The following IGF2BP3 variants were observed in gnomAD, a reference collection of about 807,000 sequenced individuals.
IGF2BP3 encodes insulin-like growth factor 2 mRNA-binding protein 3.
Under a neutral mutation model 73.8 loss-of-function variants are expected in IGF2BP3, and 9 were observed. The observed-to-expected ratio is 0.12, with a 90% CI of 0.07 to 0.21. The LOEUF (loss-of-function observed/expected upper bound fraction) is 0.21, where lower values mean the gene tolerates loss of function less well. Ranked by LOEUF, IGF2BP3 falls within the 10% of genes least tolerant of loss-of-function variation. The pLI is 1.00. For missense variants in IGF2BP3, 542 were observed against 714.0 expected (o/e 0.76, Z 2.75); for synonymous variants, 258 against 256.7 (o/e 1.01, Z -0.05).
intron 10 of IGF2BP3, among the ~76,000 whole-genome samples, chr7:23,329,541 A>C (rs964494606): frequency 2.0e-5 from 3 of 152,246 alleles, no homozygotes; most frequent in African/African-American, 7.2e-5. Flanking sequence ...CCATACAAAA[A>C]GGCCCCTGCT....
chr7:23,441,782 T>G (rs2128545287), intron 2 of IGF2BP3, among the ~76,000 whole-genome samples: 1 of 152,214 alleles, frequency 6.6e-6, no homozygotes, highest in African/African-American at 2.4e-5. Flanking sequence ...ATTATACTTG[T>G]ATCATTCACA....
At chr7:23,352,358 G>A (rs990245356) in intron 5 of IGF2BP3, among the ~76,000 whole-genome samples, 1 of 139,150 alleles carries the variant, frequency 7.2e-6, no homozygotes, top group African/African-American at 2.7e-5. Flanking sequence ...GAGCCATCTT[G>A]GCTCACTGCA....
Position 23,311,227 on chromosome 7 carries a change from C to T in IGF2BP3, c.*1135G>A, listed in dbSNP as rs1043457523. On this transcript the variant is annotated 3_prime_UTR_variant, in exon 15 of 15. Transcript: ENST00000258729. ...CTTTTGTTGCGTTTAAACACTGTCA[C>T]ACCATCTATGACTGTCCCATTGGTC... The T allele has an allele frequency of 1.2e-4, 19 of 152,322 alleles. No homozygotes were observed. Among genetic ancestry groups the T allele is most frequent in the African/African-American group, 4.3e-4 (18 of 41,436 alleles). 9.4% of individuals were successfully genotyped at this position (152,322 alleles called of 1,614,324 possible). A position where few individuals can be genotyped will look rare whatever the true frequency, so the allele number is the denominator to read the frequency against.
intron 3 of IGF2BP3, among the ~76,000 whole-genome samples, chr7:23,388,877 A>G (rs916860046): frequency 6.6e-6 from 1 of 152,120 alleles, no homozygotes; most frequent in African/African-American, 2.4e-5. Context: ...GTAGTTAAAA[A>G]CTGGAAACAG....
chr7:23,426,320 CAAAA>C (rs1195063330), intron 2 of IGF2BP3, among the ~76,000 whole-genome samples: 16 of 46,138 alleles, frequency 3.5e-4, no homozygotes, highest in African/African-American at 8.0e-4. Context: ...AATTCTGTCT[CAAAA>C]AAAAAAAAAA....
At chr7:23,387,469 T>C (rs1011329076) in intron 3 of IGF2BP3, among the ~76,000 whole-genome samples, 4 of 152,326 alleles carry the variant, frequency 2.6e-5, no homozygotes, top group South Asian at 2.1e-4. Flanking sequence ...AATATGGAAT[T>C]TGGTTTACTA....
At chr7:23,436,766 G>T (rs1787816667) in intron 2 of IGF2BP3, among the ~76,000 whole-genome samples, 1 of 152,096 alleles carries the variant, frequency 6.6e-6, no homozygotes, top group African/African-American at 2.4e-5. Context: ...TCCTTCCTTT[G>T]CCTAGGAAAG....
intron 2 of IGF2BP3, among the ~76,000 whole-genome samples, chr7:23,433,839 C>G (rs572534299): frequency 6.6e-6 from 1 of 152,084 alleles, no homozygotes; most frequent in Non-Finnish European, 1.5e-5. Flanking sequence ...CTTTGGGAGG[C>G]CGAGGCGGGA....
intron 6 of IGF2BP3, among the ~76,000 whole-genome samples, chr7:23,349,600 T>C (rs1257365844): frequency 6.6e-6 from 1 of 152,152 alleles, no homozygotes; most frequent in African/African-American, 2.4e-5. Context: ...GAATGTGGCT[T>C]TGGAGATTAG....
At chr7:23,321,759 C>G (rs907954155) in intron 10 of IGF2BP3, among the ~76,000 whole-genome samples, 3 of 152,220 alleles carry the variant, frequency 2.0e-5, no homozygotes, top group African/African-American at 7.2e-5. Context: ...AAGTGGGTCC[C>G]TGACCCCTGA....
chr7:23,409,825 T>C (rs928970339), intron 3 of IGF2BP3, among the ~76,000 whole-genome samples: 7 of 152,226 alleles, frequency 4.6e-5, no homozygotes, highest in African/African-American at 1.7e-4. Flanking sequence ...CCAAAAATAC[T>C]ATTCATAAAA....
intron 3 of IGF2BP3, among the ~76,000 whole-genome samples, chr7:23,388,102 G>T (rs376684006): frequency 6.6e-6 from 1 of 151,946 alleles, no homozygotes; most frequent in Non-Finnish European, 1.5e-5. Context: ...CACCACGCCC[G>T]GCTAATTTTT....
chr7:23,449,696 C>T (rs750855928), intron 2 of IGF2BP3, among the ~76,000 whole-genome samples: 178 of 151,378 alleles, frequency 1.2e-3, no homozygotes, highest in Non-Finnish European at 2.0e-3. Flanking sequence ...TAGCTGGGAC[C>T]ACAGGTATGC....
At chr7:23,404,547 C>T (rs1263227728) in intron 3 of IGF2BP3, among the ~76,000 whole-genome samples, 2 of 152,138 alleles carry the variant, frequency 1.3e-5, no homozygotes, top group Admixed American at 6.6e-5. Flanking sequence ...ACTTAACTTA[C>T]TGAGCACCAC....
chr7:23,367,581 A>G (rs747715486), intron 3 of IGF2BP3, among the ~76,000 whole-genome samples: 5 of 152,190 alleles, frequency 3.3e-5, no homozygotes, highest in Non-Finnish European at 7.3e-5. Flanking sequence ...TTAAATTCCA[A>G]CGACAGGGGA....
At chr7:23,460,219 C>G (rs1788417056) in intron 2 of IGF2BP3, among the ~76,000 whole-genome samples, 1 of 141,086 alleles carries the variant, frequency 7.1e-6, no homozygotes, top group Non-Finnish European at 1.5e-5. Context: ...TGAGCTCACA[C>G]TCACCAGAAA....
Position 23,369,428 on chromosome 7 carries a change from G to A in IGF2BP3, c.286-7687C>T, listed in dbSNP as rs561064990. Among the ~76,000 whole-genome samples, 151 of 152,260 alleles carry A rather than the reference G, an allele frequency of 9.9e-4. 1 individual carries two copies. Among genetic ancestry groups the A allele is most frequent in the Middle Eastern group, 3.4e-3 (1 of 294 alleles). On this transcript the variant is annotated intron_variant, in intron 3 of 14. Coordinates refer to ENST00000258729, the MANE Select transcript of IGF2BP3 (RefSeq NM_006547.3). The stretch of plus-strand genomic sequence containing the variant: ...TCTATAAAATATGTCCCAGCCCCCA[G>A]CTGGGGGAGACAGATTTGAACCTGA...
intron 2 of IGF2BP3, among the ~76,000 whole-genome samples, chr7:23,432,217 G>A (rs1368789776): frequency 6.6e-6 from 1 of 152,178 alleles, no homozygotes; most frequent in Non-Finnish European, 1.5e-5. Context: ...AAACTTGACT[G>A]ACGCCATGAG....
chr7:23,328,452 C>G (rs1784360125), intron 10 of IGF2BP3, among the ~76,000 whole-genome samples: 1 of 152,228 alleles, frequency 6.6e-6, no homozygotes. Context: ...AGGTGATCCA[C>G]TGCGCCTGGC....
Sources: gnomAD v4.1 joint callset for allele counts (sites outside exome capture counted in the v4.1 genomes callset) on GRCh38, gnomAD v4.1.1 for gene constraint, MANE v1.5 for transcripts, NCBI Gene and HGNC (gene_info 2026-07-23, HGNC 2026-07-21) for gene names.